AUTS2: variants seen among roughly 807,000 people sequenced by gnomAD.
AUTS2 encodes the protein activator of transcription and developmental regulator AUTS2.
A neutral mutation model predicts 112.4 loss-of-function variants in AUTS2; 17 were observed. The observed-to-expected ratio is 0.15, with a 90% CI of 0.10 to 0.23. The LOEUF (loss-of-function observed/expected upper bound fraction) is 0.23. Among genes scored for constraint, AUTS2 ranks in the 10% least tolerant of loss-of-function variants. AUTS2 has a pLI of 1.00. For missense variants in AUTS2, 1,510 were observed against 1,701.6 expected, an observed-to-expected ratio of 0.89 and a Z score of 1.98; for synonymous variants, 751 against 702.7, an observed-to-expected ratio of 1.07 and a Z score of -1.09.
intron 2 of AUTS2, among the ~76,000 whole-genome samples, chr7:70,116,567 A>G (rs1805366260): frequency 6.6e-6 from 1 of 151,864 alleles, no homozygotes; most frequent in Admixed American, 6.6e-5. Context: ...TTAGTTTGAG[A>G]TTTTCCACGT....
At chr7:70,601,711 G>A (rs577818210) in intron 5 of AUTS2, among the ~76,000 whole-genome samples, 2 of 152,100 alleles carry the variant, frequency 1.3e-5, no homozygotes, top group Non-Finnish European at 2.9e-5. Flanking sequence ...GAAGTTGTGG[G>A]CAGACCTTCT....
intron 4 of AUTS2, among the ~76,000 whole-genome samples, chr7:70,311,791 A>G (rs1466687261): frequency 6.6e-6 from 1 of 151,930 alleles, no homozygotes; most frequent in East Asian, 1.9e-4. Context: ...ATCTCTGCTC[A>G]CTGCAAGCTC....
chr7:69,824,302 A>G (rs184548931), intron 1 of AUTS2, among the ~76,000 whole-genome samples: 1,599 of 152,038 alleles, frequency 0.011, 16 homozygotes, highest in Non-Finnish European at 0.018. Flanking sequence ...CCAGCTACTC[A>G]GGAGGCTGAG....
intron 1 of AUTS2, among the ~76,000 whole-genome samples, chr7:69,818,941 G>A (rs1370109150): frequency 6.6e-6 from 1 of 152,168 alleles, no homozygotes; most frequent in Non-Finnish European, 1.5e-5. Flanking sequence ...ATTGTGTTTA[G>A]TAAGTAGATT....
chr7:70,088,723 C>A (rs956078625), intron 2 of AUTS2, among the ~76,000 whole-genome samples: 3 of 152,008 alleles, frequency 2.0e-5, no homozygotes, highest in African/African-American at 7.2e-5. Context: ...AGCGATTCTC[C>A]TGCCTCAGCC....
chr7:70,663,733 C>T (rs1807193561), intron 5 of AUTS2, among the ~76,000 whole-genome samples: 1 of 151,988 alleles, frequency 6.6e-6, no homozygotes, highest in Non-Finnish European at 1.5e-5. Flanking sequence ...AGTCCTTCAC[C>T]AGACAGTTGC....
chr7:69,845,406 G>A (rs1181858741), intron 1 of AUTS2, among the ~76,000 whole-genome samples: 1 of 152,078 alleles, frequency 6.6e-6, no homozygotes, highest in East Asian at 1.9e-4. Context: ...TTGATTTCCT[G>A]AGGCTCGTCT....
Position 69,948,770 on chromosome 7 carries a change from TTTCA to T in AUTS2, c.522+49275_522+49278del, listed in dbSNP as rs1380977096. Among the ~76,000 whole-genome samples the T allele has an allele frequency of 2.6e-4, 39 of 149,736 alleles. No individual in the cohort carries two copies. In the East Asian group the frequency reaches 4.3e-3, roughly 17 times the overall value. On this transcript the variant is annotated intron_variant, in intron 2 of 18. Transcript: ENST00000342771. The stretch of plus-strand genomic sequence containing the variant: ...TTGAAAAGGAAAAGCCAAAATTTTC[TTTCA>T]TTTATTTATTTATTTATTTATTTAT...
intron 4 of AUTS2, among the ~76,000 whole-genome samples, chr7:70,238,432 C>A (rs1812437492): frequency 1.3e-5 from 2 of 152,182 alleles, no homozygotes; most frequent in Admixed American, 1.3e-4. Context: ...CATGTGGCTG[C>A]CCCTCTTAGA....
intron 5 of AUTS2, among the ~76,000 whole-genome samples, chr7:70,628,843 G>T (rs149544163): frequency 6.6e-6 from 1 of 152,102 alleles, no homozygotes; most frequent in African/African-American, 2.4e-5. Flanking sequence ...ACCTCTGGGC[G>T]CCATTTCTGA....
intron 4 of AUTS2, among the ~76,000 whole-genome samples, chr7:70,420,597 C>G (rs1795177947): frequency 2.0e-5 from 3 of 152,210 alleles, no homozygotes; most frequent in African/African-American, 4.8e-5. Flanking sequence ...GCCGAGGCAG[C>G]CTCTGAAGGT....
At chr7:70,460,731 G>A (rs75804656) in intron 5 of AUTS2, among the ~76,000 whole-genome samples, 1,539 of 152,208 alleles carry the variant, frequency 0.01, 29 homozygotes, top group African/African-American at 0.035. Flanking sequence ...CTGAGGCCTG[G>A]CTTAATTTAC....
At chr7:70,140,396 A>G (rs1422017043) in intron 4 of AUTS2, among the ~76,000 whole-genome samples, 1 of 152,196 alleles carries the variant, frequency 6.6e-6, no homozygotes, top group African/African-American at 2.4e-5. Flanking sequence ...TACAGTTAAC[A>G]CACTGTATTT....
At chr7:70,000,207 T>G (rs1439129811) in intron 2 of AUTS2, among the ~76,000 whole-genome samples, 1 of 152,154 alleles carries the variant, frequency 6.6e-6, no homozygotes, top group Admixed American at 6.6e-5. Flanking sequence ...TCCGATACAG[T>G]CAGGGAACCG....
At chr7:69,616,721 C>T (rs1194260693) in intron 1 of AUTS2, among the ~76,000 whole-genome samples, 3 of 152,164 alleles carry the variant, frequency 2.0e-5, no homozygotes, top group Non-Finnish European at 4.4e-5. Flanking sequence ...TGGGGACTTT[C>T]AGAGTGATAA....
At position 69,668,290 on chromosome 7, in the gene AUTS2, C is replaced by T. The variant is rs138825139; in HGVS notation, c.309+68328C>T. ...GGTTCCATTTTGGTATGTGAAATTT[C>T]ATATCATGAAGAAAGTTATGATTAT... is the stretch of plus-strand genomic sequence containing the variant. On this transcript the variant is annotated intron_variant, in intron 1 of 18. Transcript: ENST00000342771. 5.7e-3 allele frequency among the ~76,000 whole-genome samples: 872 copies of T among 152,300 alleles called. 3 individuals carry two copies. Among genetic ancestry groups the T allele is most frequent in the South Asian group, 0.018 (86 of 4,816 alleles).
chr7:69,826,475 C>A (rs1314837442), intron 1 of AUTS2, among the ~76,000 whole-genome samples: 1 of 152,304 alleles, frequency 6.6e-6, no homozygotes, highest in South Asian at 2.1e-4. Context: ...CTAATGGCAT[C>A]TCAGGGTTCT....
chr7:70,727,348 G>C (rs1787098601), intron 6 of AUTS2, among the ~76,000 whole-genome samples: 1 of 152,130 alleles, frequency 6.6e-6, no homozygotes, highest in Admixed American at 6.5e-5. Flanking sequence ...CACAGGGCTG[G>C]GTTTTTTTTG....
At chr7:69,616,586 T>C (rs1304609648) in intron 1 of AUTS2, among the ~76,000 whole-genome samples, 3 of 152,190 alleles carry the variant, frequency 2.0e-5, no homozygotes, top group African/African-American at 7.2e-5. Context: ...TGGGACATGG[T>C]ATGATTTGAA....
Sources: allele counts gnomAD v4.1 joint callset (sites outside exome capture counted in the v4.1 genomes callset), GRCh38; gene constraint gnomAD v4.1.1; transcripts MANE v1.5; gene names NCBI Gene and HGNC (gene_info 2026-07-23, HGNC 2026-07-21).